Variants in COL24A1 observed in about 807,000 individuals in gnomAD.
COL24A1 encodes the protein collagen alpha-1(XXIV) chain.
Under a neutral mutation model 253.9 loss-of-function variants are expected in COL24A1, and 224 were observed. The ratio of observed to expected loss-of-function variants is 0.88; its 90% confidence interval spans 0.79 to 0.99. The LOEUF (loss-of-function observed/expected upper bound fraction) is 0.99. Ranked by LOEUF, COL24A1 falls within the 50% of genes least tolerant of loss-of-function variation. COL24A1 has a pLI of 0.00. For missense variants in COL24A1, 2,131 were observed against 2,068.5 expected, an observed-to-expected ratio of 1.03 and a Z score of -0.59; for synonymous variants, 685 against 673.7, an observed-to-expected ratio of 1.02 and a Z score of -0.26.
At chr1:85,851,431 CTCATG>C (rs1425156669) in intron 37 of COL24A1, among the ~76,000 whole-genome samples, 1 of 152,046 alleles carries the variant, frequency 6.6e-6, no homozygotes, top group African/African-American at 2.4e-5. Flanking sequence ...TCTCTATGTG[CTCATG>C]TCAAGAGTTT....
chr1:85,989,464 C>A (rs959417478), intron 19 of COL24A1, among the ~76,000 whole-genome samples: 3 of 152,106 alleles, frequency 2.0e-5, no homozygotes, highest in Non-Finnish European at 4.4e-5. Context: ...CTACAAACCT[C>A]CCTCCACAAC....
chr1:85,755,911 A>AT (rs1227227978), intron 55 of COL24A1, among the ~76,000 whole-genome samples: 1 of 37,386 alleles, frequency 2.7e-5, no homozygotes, highest in African/African-American at 4.8e-5. Context: ...ATATCAGAAA[A>AT]AAAAAAAAAC....
intron 10 of COL24A1, among the ~76,000 whole-genome samples, chr1:86,053,831 T>G (rs925725676): frequency 1.3e-5 from 2 of 152,130 alleles, no homozygotes; most frequent in African/African-American, 2.4e-5. Context: ...TTATCATGAT[T>G]CATGAAAATA....
chr1:86,154,573 A>G (rs1259455036), intron 1 of COL24A1: 1 of 152,568 alleles, frequency 6.6e-6, no homozygotes, highest in Non-Finnish European at 1.5e-5. Context: ...CCTCCCCCCA[A>G]ATCATCTGGA....
At chr1:85,992,497 G>A (rs890834126) in intron 19 of COL24A1, among the ~76,000 whole-genome samples, 3 of 152,032 alleles carry the variant, frequency 2.0e-5, no homozygotes, top group East Asian at 1.9e-4. Flanking sequence ...TAATGATAAC[G>A]TACCTATAAA....
chr1:86,096,071 T>C (rs903356138), intron 5 of COL24A1, among the ~76,000 whole-genome samples: 1 of 152,114 alleles, frequency 6.6e-6, no homozygotes, highest in African/African-American at 2.4e-5. Context: ...CAATTTGAGA[T>C]TTCTTCTCTG....
Position 85,944,737 on chromosome 1 carries a change from A to G in COL24A1, c.2562+16512T>C, listed in dbSNP as rs1689090617. ...AGCATTAGGTATATCTCCTAATGCT[A>G]TCCCTCCCCCATTCCCCGACCCCAC... is the stretch of plus-strand genomic sequence containing the variant. On this transcript the variant is annotated intron_variant, in intron 24 of 59. Transcript: ENST00000370571. Among the ~76,000 whole-genome samples, 5 of 152,076 alleles carry G rather than the reference A, an allele frequency of 3.3e-5. No homozygotes were observed. The South Asian group carries it at 8.3e-4, about 25-fold the overall frequency.
chr1:86,019,511 T>C (rs1396160077), intron 18 of COL24A1, among the ~76,000 whole-genome samples: 1 of 151,990 alleles, frequency 6.6e-6, no homozygotes, highest in Non-Finnish European at 1.5e-5. Flanking sequence ...TGAGCTGTGA[T>C]GGCACCATTA....
chr1:85,800,380 T>C (rs1671304159), intron 47 of COL24A1, among the ~76,000 whole-genome samples: 1 of 152,200 alleles, frequency 6.6e-6, no homozygotes, highest in African/African-American at 2.4e-5. Flanking sequence ...CCTGACAAGA[T>C]TCTTTGCTAA....
chr1:86,039,883 T>C (rs538536640), intron 12 of COL24A1, among the ~76,000 whole-genome samples: 1 of 152,176 alleles, frequency 6.6e-6, no homozygotes, highest in African/African-American at 2.4e-5. Flanking sequence ...TTTTCACCCT[T>C]CTTTTCCTCA....
At chr1:85,969,068 AATTAAT>A (rs1213900369) in intron 22 of COL24A1, among the ~76,000 whole-genome samples, 6 of 152,180 alleles carry the variant, frequency 3.9e-5, no homozygotes, top group African/African-American at 1.4e-4. Flanking sequence ...CAACAATAAT[AATTAAT>A]ATTAAGACTG....
chr1:85,761,604 A>G, intron 53 of COL24A1, 38 bp from the exon 54 acceptor site: 1 of 1,610,586 alleles, frequency 6.2e-7, no homozygotes, highest in Non-Finnish European at 8.5e-7. Context: ...CCTATATATT[A>G]TACTTTTGGT....
At chr1:85,765,821 C>T (rs1217025721) in intron 53 of COL24A1, among the ~76,000 whole-genome samples, 2 of 152,094 alleles carry the variant, frequency 1.3e-5, no homozygotes, top group Admixed American at 1.3e-4. Context: ...TAGAATTTTA[C>T]TTAAGTTAAA....
At chr1:86,085,915 G>A (rs1412846162) in intron 7 of COL24A1, among the ~76,000 whole-genome samples, 1 of 152,042 alleles carries the variant, frequency 6.6e-6, no homozygotes, top group Non-Finnish European at 1.5e-5. Context: ...AAAGACTGAA[G>A]AGAATACTGC....
intron 59 of COL24A1, 73 bp from the exon 60 acceptor site, chr1:85,730,765 A>ATTATCTGTGAAAG: frequency 2.7e-6 from 4 of 1,472,270 alleles, no homozygotes; most frequent in Non-Finnish European, 2.8e-6. Flanking sequence ...TGCCTTTCAC[A>ATTATCTGTGAAAG]GATAATGTGA....
At chr1:85,740,980 A>C (rs1664560806) in intron 57 of COL24A1, among the ~76,000 whole-genome samples, 1 of 104,728 alleles carries the variant, frequency 9.5e-6, no homozygotes, top group Non-Finnish European at 2.1e-5. Context: ...TTAGCTGGGC[A>C]TCGTGGCTGG....
intron 56 of COL24A1, 88 bp from the exon 57 acceptor site, chr1:85,744,922 G>C: frequency 1.0e-6 from 1 of 987,286 alleles, no homozygotes; most frequent in South Asian, 1.6e-5. Flanking sequence ...TTTCCATTAT[G>C]TGTAGTAAGT....
intron 47 of COL24A1, among the ~76,000 whole-genome samples, chr1:85,788,140 G>A (rs1204846367): frequency 6.6e-6 from 1 of 151,952 alleles, no homozygotes; most frequent in African/African-American, 2.4e-5. Flanking sequence ...ACCCAGGCTG[G>A]AGTGCAGTGG....
At chr1:86,097,515 TCCTCCTCCCTCCTCCCTCCTCCTC>T (rs1704043482) in intron 5 of COL24A1, among the ~76,000 whole-genome samples, 1 of 4,260 alleles carries the variant, frequency 2.3e-4, no homozygotes, top group South Asian at 9.6e-3. Context: ...TCCTCCTCCC[TCCTCCTCCCTCCTCCCTCCTCCTC>T]CCTCCTCCCT....
Sources: allele counts gnomAD v4.1 joint callset (sites outside exome capture counted in the v4.1 genomes callset), GRCh38; gene constraint gnomAD v4.1.1; transcripts MANE v1.5; gene names NCBI Gene and HGNC (gene_info 2026-07-23, HGNC 2026-07-21).